Variants in OXCT1 observed in about 807,000 individuals in gnomAD.
The protein encoded by OXCT1 is succinyl-CoA:3-ketoacid coenzyme A transferase 1, mitochondrial.
OXCT1 carries 27 observed loss-of-function variants against 69.6 expected under a neutral mutation model. The ratio of observed to expected loss-of-function variants is 0.39; its 90% confidence interval spans 0.29 to 0.54. The LOEUF (loss-of-function observed/expected upper bound fraction) is 0.54, where lower values mean the gene tolerates loss of function less well. Among genes scored for constraint, OXCT1 ranks in the 20% least tolerant of loss-of-function variants. The pLI, the probability that OXCT1 is intolerant of heterozygous loss-of-function variation, is 0.72. For missense variants in OXCT1, 437 were observed against 650.2 expected, an observed-to-expected ratio of 0.67 and a Z score of 3.57; for synonymous variants, 202 against 217.8, an observed-to-expected ratio of 0.93 and a Z score of 0.64.
intron 13 of OXCT1, among the ~76,000 whole-genome samples, chr5:41,783,883 A>G (rs1168141708): frequency 6.6e-6 from 1 of 152,120 alleles, no homozygotes; most frequent in Non-Finnish European, 1.5e-5. Flanking sequence ...GGAGAGAAAT[A>G]TTTTCTTTCC....
In OXCT1 at chr5:41,751,215, A is replaced by G. The variant is rs193268770; in HGVS notation, c.1339-1608T>C. Among the ~76,000 whole-genome samples, 44 of 152,224 alleles carry G rather than the reference A, an allele frequency of 2.9e-4. 1 individual carries two copies. The highest frequency in any genetic ancestry group is 3.9e-4 in the East Asian group (2 of 5,170). On this transcript the variant is annotated intron_variant, in intron 14 of 16. Coordinates refer to ENST00000196371, the MANE Select transcript of OXCT1 (RefSeq NM_000436.4). ...TTAATATAAATCAAGGCATGTCACAATGAATTCTGGGCCTGACTTCAAACA... is the reference window on the plus strand; with the variant it reads ...TTAATATAAATCAAGGCATGTCACAGTGAATTCTGGGCCTGACTTCAAACA...
At chr5:41,848,230 G>C (rs1361437118) in intron 5 of OXCT1, among the ~76,000 whole-genome samples, 1 of 152,136 alleles carries the variant, frequency 6.6e-6, no homozygotes, top group Non-Finnish European at 1.5e-5. Flanking sequence ...TACAAGGGAT[G>C]TGAAGGACCT....
intron 3 of OXCT1, among the ~76,000 whole-genome samples, chr5:41,858,853 A>C (rs1217820798): frequency 6.6e-6 from 1 of 152,208 alleles, no homozygotes. Flanking sequence ...AGAGTACCAA[A>C]AACAAAATGC....
chr5:41,817,028 C>G (rs182896972), intron 7 of OXCT1, among the ~76,000 whole-genome samples: 3 of 152,208 alleles, frequency 2.0e-5, no homozygotes, highest in African/African-American at 4.8e-5. Flanking sequence ...TAAAGCTGAT[C>G]GAGGTCCCAA....
At position 41,860,873 on chromosome 5, in the gene OXCT1, G is replaced by T. The variant is rs189580707; in HGVS notation, c.278+441C>A. On this transcript the variant is annotated intron_variant, in intron 3 of 16. Transcript: ENST00000196371. ...TGATTAATGGTATCCCTTTATTTATGATCTAGAATGATGGCATTGCTAAAA... is the reference window on the plus strand; with the variant it reads ...TGATTAATGGTATCCCTTTATTTATTATCTAGAATGATGGCATTGCTAAAA... 1.5e-4 allele frequency among the ~76,000 whole-genome samples: 23 copies of T among 151,946 alleles called. 1 individual carries two copies. Among genetic ancestry groups the T allele is most frequent in the African/African-American group, 4.8e-4 (20 of 41,462 alleles).
intron 7 of OXCT1, among the ~76,000 whole-genome samples, chr5:41,828,457 G>A (rs545482472): frequency 5.8e-4 from 89 of 152,162 alleles, no homozygotes; most frequent in African/African-American, 2.1e-3. Flanking sequence ...GAAACTGGCC[G>A]TCAAGTATAA....
At chr5:41,757,606 G>C (rs529265021) in intron 14 of OXCT1, among the ~76,000 whole-genome samples, 201 of 152,094 alleles carry the variant, frequency 1.3e-3, no homozygotes, top group South Asian at 7.9e-3. Flanking sequence ...TACTCAGAAG[G>C]TAATTTTACC....
chr5:41,843,198 C>T (rs748100529), intron 5 of OXCT1, among the ~76,000 whole-genome samples: 1 of 152,148 alleles, frequency 6.6e-6, no homozygotes, highest in Non-Finnish European at 1.5e-5. Context: ...TTACAAAAAT[C>T]TATCATTCAG....
intron 16 of OXCT1, among the ~76,000 whole-genome samples, chr5:41,734,511 C>T (rs1413307283): frequency 6.6e-6 from 1 of 152,148 alleles, no homozygotes; most frequent in African/African-American, 2.4e-5. Flanking sequence ...TACTTTCGCC[C>T]ATCAAGTAAC....
intron 14 of OXCT1, among the ~76,000 whole-genome samples, chr5:41,756,536 A>G (rs1744082487): frequency 6.6e-6 from 1 of 152,136 alleles, no homozygotes; most frequent in African/African-American, 2.4e-5. Context: ...ATGGAGACAG[A>G]AGCATGTAAC....
chr5:41,805,981 A>C (rs1321572643), intron 8 of OXCT1, among the ~76,000 whole-genome samples: 1 of 152,030 alleles, frequency 6.6e-6, no homozygotes, highest in South Asian at 2.1e-4. Flanking sequence ...CTTCCAACTA[A>C]ATTCTCCTCT....
chr5:41,780,483 AAAACTCTAATTCATC>A (rs1745340178), intron 13 of OXCT1, among the ~76,000 whole-genome samples: 1 of 152,232 alleles, frequency 6.6e-6, no homozygotes, highest in African/African-American at 2.4e-5. Flanking sequence ...ATATTAAGTT[AAAACTCTAATTCATC>A]AAAATCAAGT....
chr5:41,831,097 A>T (rs1175287701), intron 7 of OXCT1, among the ~76,000 whole-genome samples: 3 of 152,242 alleles, frequency 2.0e-5, no homozygotes, highest in East Asian at 3.8e-4. Context: ...ACAGGGCCAG[A>T]GTCACAAATA....
At chr5:41,866,493 T>A (rs1376416210) in intron 1 of OXCT1, among the ~76,000 whole-genome samples, 1 of 152,062 alleles carries the variant, frequency 6.6e-6, no homozygotes, top group East Asian at 1.9e-4. Flanking sequence ...TGGAGAGAAG[T>A]AAAGAGATAC....
At chr5:41,832,176 G>C (rs1488706178) in intron 7 of OXCT1, among the ~76,000 whole-genome samples, 1 of 152,238 alleles carries the variant, frequency 6.6e-6, no homozygotes, top group African/African-American at 2.4e-5. Context: ...CTAGGGCCTT[G>C]AGTTAAAATA....
intron 7 of OXCT1, among the ~76,000 whole-genome samples, chr5:41,816,928 C>A (rs1373502897): frequency 6.6e-6 from 1 of 152,134 alleles, no homozygotes; most frequent in East Asian, 1.9e-4. Context: ...AGACTGTACT[C>A]AAACTCTATA....
chr5:41,800,420 A>G (rs1437891900), intron 11 of OXCT1, among the ~76,000 whole-genome samples: 1 of 151,782 alleles, frequency 6.6e-6, no homozygotes, highest in Non-Finnish European at 1.5e-5. Context: ...ACCCTTCTCT[A>G]TCCTGAGAAG....
intron 16 of OXCT1, among the ~76,000 whole-genome samples, chr5:41,736,299 C>T (rs560769610): frequency 1.6e-4 from 24 of 152,320 alleles, no homozygotes; most frequent in African/African-American, 5.5e-4. Context: ...TTTCCACAGC[C>T]TCTACCAAGT....
intron 15 of OXCT1, among the ~76,000 whole-genome samples, chr5:41,743,741 T>C (rs1009669591): frequency 6.6e-6 from 1 of 152,228 alleles, no homozygotes; most frequent in Admixed American, 6.5e-5. Flanking sequence ...TAGGGAATCC[T>C]TTCCCCATTG....
Sources: allele counts gnomAD v4.1 joint callset (sites outside exome capture counted in the v4.1 genomes callset), GRCh38; gene constraint gnomAD v4.1.1; transcripts MANE v1.5; gene names NCBI Gene and HGNC (gene_info 2026-07-23, HGNC 2026-07-21).